The following ERN1 variants were observed in gnomAD, a reference collection of about 807,000 sequenced individuals.
ERN1 encodes serine/threonine-protein kinase/endoribonuclease IRE1.
ERN1 carries 39 observed loss-of-function variants against 113.1 expected under a neutral mutation model. That is an observed-to-expected ratio of 0.34 (90% CI 0.27 to 0.45). The LOEUF (loss-of-function observed/expected upper bound fraction) is 0.45. Ranked by LOEUF, ERN1 falls within the 20% of genes least tolerant of loss-of-function variation. The probability of loss-of-function intolerance (pLI) is 1.00; values close to 1 mark genes in which losing one functional copy is unlikely to be tolerated. For synonymous variants in ERN1, 507 were observed against 515.9 expected (o/e 0.98, Z 0.23); for missense variants, 976 against 1,274.8 (o/e 0.77, Z 3.57).
rs1346674091 is a variant in ERN1, at chr17:64,055,968, T to TCCAG, written c.1399-24_1399-21dup. The TCCAG allele has an allele frequency of 6.6e-7, 1 of 1,522,440 alleles. No homozygotes were observed. Among genetic ancestry groups the TCCAG allele is most frequent in the East Asian group, 2.5e-5 (1 of 40,640 alleles). The allele number at this position is 1,522,440 out of a possible 1,614,324, so 94.3% of individuals were successfully genotyped here. ...CATGCTCTGGGAAGAGAAACCCACATCCAGACAAGGGCAGCTGTTCCCACA... is the reference window on the plus strand; with the variant it reads ...CATGCTCTGGGAAGAGAAACCCACATCCAGCCAGACAAGGGCAGCTGTTCCCACA... On this transcript the variant is annotated intron_variant, in intron 12 of 21. Coordinates refer to ENST00000433197, the MANE Select transcript of ERN1 (RefSeq NM_001433.5).
chr17:64,117,515 G>A (rs769384149), intron 1 of ERN1, among the ~76,000 whole-genome samples: 5 of 152,142 alleles, frequency 3.3e-5, no homozygotes, highest in East Asian at 1.9e-4. Flanking sequence ...CAATGTTCAC[G>A]CTCAGTCCCT....
chr17:64,055,555 A>G (rs746734886), intron 13 of ERN1, 120 bp downstream of exon 13: 1 of 940,310 alleles, frequency 1.1e-6, no homozygotes, highest in Non-Finnish European at 1.5e-6. Flanking sequence ...AGTGGAAGTT[A>G]GAGGAGAACA....
chr17:64,045,050 T>C (rs2143313006), intron 20 of ERN1, 123 bp from the exon 21 acceptor site: 1 of 767,748 alleles, frequency 1.3e-6, no homozygotes, highest in South Asian at 1.6e-5. Flanking sequence ...ACTCCACACC[T>C]AGGCATGGGA....
chr17:64,080,714 A>G (rs1913739886), intron 3 of ERN1, 61 bp downstream of exon 3: 3 of 1,519,534 alleles, frequency 2.0e-6, no homozygotes, highest in African/African-American at 2.7e-5. Context: ...GGCCTCATAA[A>G]CACTGATTGA....
intron 12 of ERN1, 77 bp from the exon 13 acceptor site, chr17:64,056,025 CAG>C: frequency 6.8e-7 from 1 of 1,466,064 alleles, no homozygotes; most frequent in Non-Finnish European, 9.0e-7. Flanking sequence ...GGACAGGTCC[CAG>C]TGGCGGAGGG....
intron 1 of ERN1, among the ~76,000 whole-genome samples, chr17:64,101,854 C>T (rs547234106): frequency 2.2e-4 from 33 of 152,296 alleles, no homozygotes; most frequent in African/African-American, 6.5e-4. Context: ...GGTTAATATT[C>T]ACCAAAACAT....
At position 64,126,362 on chromosome 17, in the gene ERN1, T is replaced by C. The variant is rs193128339; in HGVS notation, c.54+3614A>G. On this transcript the variant is annotated intron_variant, in intron 1 of 21. Coordinates refer to ENST00000433197, the MANE Select transcript of ERN1 (RefSeq NM_001433.5). Reference sequence around the variant, plus strand: ...AAACCAAAGAGGTTTCCTATGAAAATGAAACAGTTATCCAAGGATTCTTTC... The same window carrying C: ...AAACCAAAGAGGTTTCCTATGAAAACGAAACAGTTATCCAAGGATTCTTTC... Among the ~76,000 whole-genome samples the C allele has an allele frequency of 2.2e-4, 34 of 152,230 alleles. 1 individual carries two copies. Among genetic ancestry groups the C allele is most frequent in the Admixed American group, 1.4e-3 (21 of 15,292 alleles).
chr17:64,106,089 C>A (rs1914519491), intron 1 of ERN1, among the ~76,000 whole-genome samples: 1 of 152,316 alleles, frequency 6.6e-6, no homozygotes, highest in African/African-American at 2.4e-5. Flanking sequence ...CTGCCAACAA[C>A]AGCCAGGCTG....
chr17:64,054,149 A>G lies in ERN1; in HGVS notation c.1953+101T>C. 3 of 1,072,052 alleles carry G rather than the reference A, an allele frequency of 2.8e-6. 1 individual carries two copies. Among genetic ancestry groups the G allele is most frequent in the South Asian group, 3.1e-5 (2 of 63,594 alleles). The allele number at this position is 1,072,052 out of a possible 1,614,324, so 66.4% of individuals were successfully genotyped here. ...GAGATGGGGTTTCACCATGTTGTCC[A>G]GGCTGGTCTCAAACTCCTGAGCTCA... On this transcript the variant is annotated intron_variant, in intron 15 of 21. Transcript: ENST00000433197. This position sits in a 1 kb window ranked among gnomAD's most constrained non-coding sequence, Gnocchi z 4.9.
In ERN1 at chr17:64,119,376, G is replaced by GTTGTTTTT. The variant is rs777806993; in HGVS notation, c.54+10599_54+10600insAAAAACAA. On this transcript the variant is annotated intron_variant, in intron 1 of 21. Coordinates refer to ENST00000433197, the MANE Select transcript of ERN1 (RefSeq NM_001433.5). ...TAATATTAGGTTCCTTTTTTTCTAGGTTTTTTTTTTTTTTTTTTTTTTTTT... is the reference window on the plus strand; with the variant it reads ...TAATATTAGGTTCCTTTTTTTCTAGGTTGTTTTTTTTTTTTTTTTTTTTTTTTTTTTTT... 7.3e-4 allele frequency among the ~76,000 whole-genome samples: 57 copies of GTTGTTTTT among 77,900 alleles called. 3 individuals carry two copies. Among genetic ancestry groups the GTTGTTTTT allele is most frequent in the African/African-American group, 1.1e-3 (20 of 17,952 alleles). The allele number at this position is 77,900 out of a possible 152,430, so 51.1% of individuals were successfully genotyped here. A position where few individuals can be genotyped will look rare whatever the true frequency, so the allele number is the denominator to read the frequency against.
intron 2 of ERN1, among the ~76,000 whole-genome samples, chr17:64,091,410 G>A (rs1389721868): frequency 6.6e-6 from 1 of 152,218 alleles, no homozygotes; most frequent in Non-Finnish European, 1.5e-5. Context: ...ACCCGAGTCA[G>A]CATCAAGTGC....
chr17:64,104,501 T>C lies in ERN1; in HGVS notation c.55-6260A>G, dbSNP rs963074363. ...AATTTCAGACATACATTTCAAGAACTGATTCCCAGGTTGACTACCTGATAA... is the reference window on the plus strand; with the variant it reads ...AATTTCAGACATACATTTCAAGAACCGATTCCCAGGTTGACTACCTGATAA... On this transcript the variant is annotated intron_variant, in intron 1 of 21. Transcript: ENST00000433197. Among the ~76,000 whole-genome samples the C allele has an allele frequency of 3.9e-5, 6 of 152,048 alleles. No homozygotes were observed. In the East Asian group the frequency reaches 7.7e-4, roughly 19 times the overall value.
chr17:64,057,886 G>A lies in ERN1; in HGVS notation c.1314C>T (p.Asp438=). ...TGGTAGCCATGTCCTTAAGCATGGAGTCCACGGGGGCCTCGGGCCGGGCAG... is the reference window on the plus strand; with the variant it reads ...TGGTAGCCATGTCCTTAAGCATGGAATCCACGGGGGCCTCGGGCCGGGCAG... ...HAPARPEAPV[D]SMLKDMATII... Residue 438 remains aspartate, a synonymous_variant, in exon 12 of 22, where the codon GAC becomes GAT. Coordinates refer to ENST00000433197, the MANE Select transcript of ERN1 (RefSeq NM_001433.5). 4 of 1,613,886 alleles carry A rather than the reference G, an allele frequency of 2.5e-6. No homozygotes were observed. The highest frequency in any genetic ancestry group is 3.4e-6 in the Non-Finnish European group (4 of 1,179,832).
intron 1 of ERN1, among the ~76,000 whole-genome samples, chr17:64,101,921 T>C (rs1026188078): frequency 6.6e-6 from 1 of 152,174 alleles, no homozygotes; most frequent in African/African-American, 2.4e-5. Context: ...CCACCTGCCT[T>C]GTCTGAGCAT....
intron 18 of ERN1, among the ~76,000 whole-genome samples, chr17:64,048,761 C>T (rs1171075108): frequency 1.3e-5 from 2 of 151,962 alleles, no homozygotes; most frequent in African/African-American, 4.8e-5. Context: ...ATTCAACCCT[C>T]ATGTCACCAG....
chr17:64,099,390 G>A (rs1435870565), intron 1 of ERN1, among the ~76,000 whole-genome samples: 1 of 152,022 alleles, frequency 6.6e-6, no homozygotes, highest in Non-Finnish European at 1.5e-5. Context: ...GCATATGCAG[G>A]TGACAGCTGG....
intron 4 of ERN1, among the ~76,000 whole-genome samples, chr17:64,079,461 G>A (rs1404486389): frequency 6.6e-6 from 1 of 152,096 alleles, no homozygotes; most frequent in Non-Finnish European, 1.5e-5. Context: ...TCTGAACTCT[G>A]GCACCACATT....
intron 2 of ERN1, among the ~76,000 whole-genome samples, chr17:64,093,959 C>A (rs749636458): frequency 6.6e-6 from 1 of 152,172 alleles, no homozygotes; most frequent in Non-Finnish European, 1.5e-5. Context: ...CAGAGACTAG[C>A]GGACTTTACA....
intron 6 of ERN1, 59 bp downstream of exon 6, chr17:64,071,922 A>G (rs535241059): frequency 1.3e-6 from 2 of 1,540,172 alleles, no homozygotes; most frequent in Admixed American, 3.9e-5. Context: ...GAGGCTGGGG[A>G]GCTTCTTCCG....
Sources: allele counts gnomAD v4.1 joint callset (sites outside exome capture counted in the v4.1 genomes callset), GRCh38; gene constraint gnomAD v4.1.1; non-coding constraint Gnocchi (gnomAD v3.1); transcripts MANE v1.5; gene names NCBI Gene and HGNC (gene_info 2026-07-23, HGNC 2026-07-21).